Variants in MTRF1 observed in about 807,000 individuals in gnomAD.
MTRF1 encodes mitochondrial translation release factor 1.
MTRF1 carries 51 observed loss-of-function variants against 62.9 expected under a neutral mutation model. That is an observed-to-expected ratio of 0.81 (90% CI 0.65 to 1.02). The LOEUF is 1.02. MTRF1 is among the 50% of genes least tolerant of loss of function. The probability of loss-of-function intolerance (pLI) is 0.00; values close to 1 mark genes in which losing one functional copy is unlikely to be tolerated. For synonymous variants in MTRF1, 158 were observed against 181.9 expected (o/e 0.87, Z 1.06); for missense variants, 446 against 530.0 (o/e 0.84, Z 1.56).
At chr13:41,234,118 A>T (rs930977511) in intron 6 of MTRF1, 111 bp from the exon 7 acceptor site, 4 of 824,530 alleles carry the variant, frequency 4.9e-6, no homozygotes, top group Non-Finnish European at 7.9e-6. Flanking sequence ...TATAGCCTTT[A>T]GACTAAGAGA....
intron 8 of MTRF1, among the ~76,000 whole-genome samples, chr13:41,224,110 T>TGCC (rs1389008803): frequency 1.3e-5 from 2 of 152,204 alleles, no homozygotes; most frequent in East Asian, 3.8e-4. Context: ...CCACTAATAA[T>TGCC]ACTATGTCAT....
the MTRF1 span, among the ~76,000 whole-genome samples, chr13:41,303,111 T>G: frequency 6.6e-6 from 1 of 152,042 alleles, no homozygotes; most frequent in Admixed American, 6.5e-5. Flanking sequence ...TTTTGATTTA[T>G]TTTTATTTTA....
the MTRF1 span, among the ~76,000 whole-genome samples, chr13:41,274,483 C>T: frequency 6.6e-6 from 1 of 151,760 alleles, no homozygotes; most frequent in Admixed American, 6.6e-5. Context: ...ATCAGAAAAC[C>T]GGTAGATGTT....
At chr13:41,254,273 G>A (rs975185942) in intron 3 of MTRF1, among the ~76,000 whole-genome samples, 1 of 151,748 alleles carries the variant, frequency 6.6e-6, no homozygotes, top group Non-Finnish European at 1.5e-5. Flanking sequence ...TTACCAGCAC[G>A]TATTCTCTTG....
chr13:41,287,710 G>T, the MTRF1 span: 1 of 167,580 alleles, frequency 6.0e-6, no homozygotes, highest in Non-Finnish European at 1.4e-5. Flanking sequence ...CAGTTTTAAA[G>T]GGCAGGGCTA....
intron 5 of MTRF1, among the ~76,000 whole-genome samples, chr13:41,250,332 C>T (rs959479155): frequency 9.9e-5 from 15 of 152,068 alleles, no homozygotes; most frequent in African/African-American, 3.6e-4. Context: ...TAAACATGGC[C>T]ATTCTCCAAA....
At position 41,260,892 on chromosome 13, in the gene MTRF1, A is replaced by G. The variant is rs761578858; in HGVS notation, c.16T>C (p.Cys6Arg). Residue 6 changes from cysteine (C) to arginine (R), a missense_variant, in exon 2 of 10, where the codon TGT (cysteine) becomes CGT (arginine). Coordinates refer to ENST00000379480, the MANE Select transcript of MTRF1 (RefSeq NM_004294.4). MNRHL[C>R]VWLFRHPSLN... ...GATGGATGTCTAAAAAGCCAAACACACAGGTGACGATTCATCTCAGCATCT... is the reference window on the plus strand; with the variant it reads ...GATGGATGTCTAAAAAGCCAAACACGCAGGTGACGATTCATCTCAGCATCT... 1.2e-4 allele frequency: 186 copies of G among 1,606,004 alleles called. 2 individuals carry two copies. In the East Asian group the frequency reaches 4.1e-3, roughly 36 times the overall value.
Position 41,240,226 on chromosome 13 carries a change from T to C in MTRF1, c.870+35A>G, listed in dbSNP as rs766925406. 1.0e-5 allele frequency: 16 copies of C among 1,560,590 alleles called. 1 individual carries two copies. The South Asian group carries it at 1.8e-4, about 17-fold the overall frequency. On this transcript the variant is annotated intron_variant, in intron 6 of 9. Coordinates refer to ENST00000379480, the MANE Select transcript of MTRF1 (RefSeq NM_004294.4). ...GCTTCCAGCACAATACCCGTTGACATGGAGTGAGTTTCCCTTGCCTCCTCC... is the reference window on the plus strand; with the variant it reads ...GCTTCCAGCACAATACCCGTTGACACGGAGTGAGTTTCCCTTGCCTCCTCC...
In MTRF1 at chr13:41,259,456, T is replaced by C. The variant is rs1458752503; in HGVS notation, c.415+1037A>G. 4.6e-5 allele frequency among the ~76,000 whole-genome samples: 7 copies of C among 152,184 alleles called. No individual in the cohort carries two copies. In the South Asian group the frequency reaches 6.2e-4, roughly 14 times the overall value. ...GGCTCATGCCTGTAATCCCAGCACA[T>C]TGGGAGGCCAAGGTGGGTGGATCAC... On this transcript the variant is annotated intron_variant, in intron 2 of 9. Coordinates refer to ENST00000379480, the MANE Select transcript of MTRF1 (RefSeq NM_004294.4).
In MTRF1 at chr13:41,260,477, A is replaced by C. The variant is rs899228013; in HGVS notation, c.415+16T>G. ...TCATAGCCCTTATGCAGGACACATA[A>C]GTATCTTTTACCTACTTTTACACAT... On this transcript the variant is annotated intron_variant, in intron 2 of 9. Transcript: ENST00000379480. The C allele has an allele frequency of 6.2e-7, 1 of 1,602,440 alleles. No individual in the cohort carries two copies. The highest frequency in any genetic ancestry group is 8.5e-7 in the Non-Finnish European group (1 of 1,173,272).
At chr13:41,242,186 A>AT (rs2037599469) in intron 5 of MTRF1, among the ~76,000 whole-genome samples, 1 of 152,206 alleles carries the variant, frequency 6.6e-6, no homozygotes, top group South Asian at 2.1e-4. Flanking sequence ...TGACCAATTA[A>AT]AAGTTTAAAT....
chr13:41,277,699 C>T, the MTRF1 span, among the ~76,000 whole-genome samples: 1 of 152,144 alleles, frequency 6.6e-6, no homozygotes, highest in Non-Finnish European at 1.5e-5. Flanking sequence ...ATTACATAGG[C>T]ATGACTGATT....
At chr13:41,249,263 C>T (rs975310584) in intron 5 of MTRF1, among the ~76,000 whole-genome samples, 30 of 152,072 alleles carry the variant, frequency 2.0e-4, no homozygotes, top group African/African-American at 4.3e-4. Flanking sequence ...TTTTTTAGGC[C>T]GGGCGCGGTG....
chr13:41,302,928 T>A, the MTRF1 span, among the ~76,000 whole-genome samples: 1 of 152,130 alleles, frequency 6.6e-6, no homozygotes, highest in Non-Finnish European at 1.5e-5. Flanking sequence ...ACCTGAGTAG[T>A]CGGAAACTGT....
the MTRF1 span, chr13:41,311,174 A>C: frequency 2.6e-6 from 1 of 389,450 alleles, no homozygotes; most frequent in East Asian, 5.5e-5. Context: ...GGTCCCCGCT[A>C]CGCCCCCGTA....
Position 41,260,537 on chromosome 13 carries a change from T to C in MTRF1, c.371A>G (p.Gln124Arg), listed in dbSNP as rs2040333042. The change falls in exon 2 of 10, where the codon CAG becomes CGG. Residue 124 changes from glutamine (Q) to arginine (R), a missense_variant. Transcript: ENST00000379480. ...TTCTTCAATTGCTTGTTCAGTCTCC[T>C]GAATTTCTTGGTAAATGGCTGCAAG... is the stretch of plus-strand genomic sequence containing the variant. The part of the protein sequence containing the change: ...APLAAIYQEI[Q>R]ETEQAIEELE... The C allele has an allele frequency of 1.2e-6, 2 of 1,614,092 alleles. No homozygotes were observed. Among genetic ancestry groups the C allele is most frequent in the South Asian group, 1.1e-5 (1 of 91,080 alleles).
In MTRF1 at chr13:41,261,866, T is replaced by TGAA. The variant is rs529866678; in HGVS notation, c.-8-952_-8-951insTTC. The TGAA allele has an allele frequency of 2.3e-4, 185 of 803,844 alleles. No individual in the cohort carries two copies. In the Middle Eastern group the frequency reaches 3.8e-3, roughly 17 times the overall value. The allele number at this position is 803,844 out of a possible 1,614,324, so 49.8% of individuals were successfully genotyped here. A position where few individuals can be genotyped will look rare whatever the true frequency, so the allele number is the denominator to read the frequency against. On this transcript the variant is annotated intron_variant, in intron 1 of 9. Transcript: ENST00000379480. The stretch of plus-strand genomic sequence containing the variant: ...TTCAAGTATTAATAGACCAAGAAAG[T>TGAA]AGGGCTGGTGAAAAGCTCTACAGTT...
chr13:41,307,636 G>C, the MTRF1 span, among the ~76,000 whole-genome samples: 1 of 151,720 alleles, frequency 6.6e-6, no homozygotes, highest in African/African-American at 2.4e-5. Flanking sequence ...AAAGTGTGTA[G>C]CACCTCCTCT....
chr13:41,283,886 C>CT, the MTRF1 span, among the ~76,000 whole-genome samples: 3 of 152,096 alleles, frequency 2.0e-5, no homozygotes, highest in Admixed American at 6.5e-5. Flanking sequence ...CTCTGACAAT[C>CT]TTATTTGTTC....
Sources: allele counts gnomAD v4.1 joint callset (sites outside exome capture counted in the v4.1 genomes callset), GRCh38; gene constraint gnomAD v4.1.1; transcripts MANE v1.5; gene names NCBI Gene and HGNC (gene_info 2026-07-23, HGNC 2026-07-21).